B3GALT1: variants seen among roughly 807,000 people sequenced by gnomAD.
B3GALT1 encodes the protein UDP-Gal:betaGlcNAc beta 1,3-galactosyltransferase, polypeptide 1.
A neutral mutation model predicts 23.2 loss-of-function variants in B3GALT1; 10 were observed. That is an observed-to-expected ratio of 0.43 (90% CI 0.27 to 0.73). The LOEUF (loss-of-function observed/expected upper bound fraction) is 0.73. Ranked by LOEUF, B3GALT1 falls within the 30% of genes least tolerant of loss-of-function variation. The pLI is 0.21. For missense variants in B3GALT1, 299 were observed against 405.4 expected (o/e 0.74, Z 2.25); for synonymous variants, 156 against 141.5 (o/e 1.10, Z -0.73).
chr2:167,492,606 C>A (rs985972513), intron 2 of B3GALT1, among the ~76,000 whole-genome samples: 1 of 152,146 alleles, frequency 6.6e-6, no homozygotes, highest in Non-Finnish European at 1.5e-5. Context: ...ACTGAAAGAA[C>A]CTTCCTGTTG....
At chr2:167,818,929 TTTTC>T (rs1273330381) in intron 4 of B3GALT1, among the ~76,000 whole-genome samples, 136 bp downstream of exon 4, 1 of 152,220 alleles carries the variant, frequency 6.6e-6, no homozygotes, top group African/African-American at 2.4e-5. Flanking sequence ...GTCTAGGTTT[TTTTC>T]TTTATTAATG....
chr2:167,696,604 G>A (rs1558951634), intron 3 of B3GALT1, among the ~76,000 whole-genome samples: 1 of 152,106 alleles, frequency 6.6e-6, no homozygotes, highest in East Asian at 1.9e-4. Context: ...TATCATCTCA[G>A]TTCTATAGAC....
chr2:167,484,009 G>GAA (rs1274354483), intron 1 of B3GALT1, among the ~76,000 whole-genome samples: 1 of 152,146 alleles, frequency 6.6e-6, no homozygotes, highest in African/African-American at 2.4e-5. Flanking sequence ...GCCACATATA[G>GAA]AAGCTCCATA....
At chr2:167,340,359 G>C (rs561255228) in intron 1 of B3GALT1, among the ~76,000 whole-genome samples, 1 of 150,378 alleles carries the variant, frequency 6.6e-6, no homozygotes, top group African/African-American at 2.4e-5. Flanking sequence ...AATGGAACAA[G>C]GGTTGGTGTG....
chr2:167,479,757 G>A (rs528957923), intron 1 of B3GALT1, among the ~76,000 whole-genome samples: 2 of 151,988 alleles, frequency 1.3e-5, no homozygotes, highest in East Asian at 1.9e-4. Flanking sequence ...CCAGTTCACC[G>A]AGACCGTGGT....
At chr2:167,354,714 A>C (rs550723262) in intron 1 of B3GALT1, among the ~76,000 whole-genome samples, 14 of 151,864 alleles carry the variant, frequency 9.2e-5, no homozygotes, top group Non-Finnish European at 1.8e-4. Context: ...CTTATAACCT[A>C]CTGCCCAGTT....
In B3GALT1 at chr2:167,440,070, G is replaced by A. The variant is rs979589853; in HGVS notation, c.-510-50107G>A. Among the ~76,000 whole-genome samples, 4 of 151,784 alleles carry A rather than the reference G, an allele frequency of 2.6e-5. No individual in the cohort carries two copies. The East Asian group carries it at 7.7e-4, about 29-fold the overall frequency. ...GGTAAGAAATAATTTAAGGCTGGGG[G>A]CAGTGGCTCACACCTGTAATCCCAG... On this transcript the variant is annotated intron_variant, in intron 1 of 4. Transcript: ENST00000392690.
At chr2:167,696,325 C>G (rs1483275331) in intron 3 of B3GALT1, among the ~76,000 whole-genome samples, 1 of 145,276 alleles carries the variant, frequency 6.9e-6, no homozygotes, top group Non-Finnish European at 1.5e-5. Context: ...AAAATACCTA[C>G]CTGTCAAAGC....
chr2:167,595,851 T>G (rs1327970136), intron 2 of B3GALT1, among the ~76,000 whole-genome samples: 1 of 152,228 alleles, frequency 6.6e-6, no homozygotes, highest in Non-Finnish European at 1.5e-5. Context: ...GGTTTGTCTC[T>G]TTCTGTGTTA....
intron 2 of B3GALT1, among the ~76,000 whole-genome samples, chr2:167,523,905 C>G (rs1031448409): frequency 6.6e-6 from 1 of 152,028 alleles, no homozygotes; most frequent in Middle Eastern, 3.2e-3. Flanking sequence ...ATGGGTGGAG[C>G]ATTATTTCTT....
chr2:167,671,175 A>G (rs1159359577), intron 3 of B3GALT1, among the ~76,000 whole-genome samples: 3 of 152,192 alleles, frequency 2.0e-5, no homozygotes, highest in Admixed American at 1.3e-4. Flanking sequence ...AAATATTAAC[A>G]GAATGGAAGA....
chr2:167,430,146 G>A (rs1345014114), intron 1 of B3GALT1, among the ~76,000 whole-genome samples: 1 of 152,182 alleles, frequency 6.6e-6, no homozygotes, highest in Admixed American at 6.5e-5. Context: ...GTAGCTGAAG[G>A]AGGTCTCTTC....
At chr2:167,822,791 G>GA (rs2105367904) in intron 4 of B3GALT1, among the ~76,000 whole-genome samples, 1 of 152,062 alleles carries the variant, frequency 6.6e-6, no homozygotes, top group South Asian at 2.1e-4. Context: ...TGTCCACAGT[G>GA]AAAATTAAGC....
At chr2:167,443,486 A>G (rs1698929601) in intron 1 of B3GALT1, among the ~76,000 whole-genome samples, 2 of 152,148 alleles carry the variant, frequency 1.3e-5, no homozygotes, top group Non-Finnish European at 2.9e-5. Flanking sequence ...TTTTCGTGAT[A>G]TTGATTGTTC....
At chr2:167,640,983 A>G (rs1295370571) in intron 2 of B3GALT1, among the ~76,000 whole-genome samples, 1 of 152,160 alleles carries the variant, frequency 6.6e-6, no homozygotes, top group Non-Finnish European at 1.5e-5. Flanking sequence ...TGACCTTTCT[A>G]TCTATTCAAA....
chr2:167,585,982 C>G lies in B3GALT1; in HGVS notation c.-409-60927C>G, dbSNP rs2163588. On this transcript the variant is annotated intron_variant, in intron 2 of 4. Coordinates refer to ENST00000392690, the MANE Select transcript of B3GALT1 (RefSeq NM_020981.4). ...ATCTATGATGAGAGGTCAAAATAGG[C>G]ATTTGCCCTTTGGAGGGCTTAATAC... Among the ~76,000 whole-genome samples the G allele has an allele frequency of 5.2e-3, 796 of 152,312 alleles. 4 individuals are homozygous for G. The highest frequency in any genetic ancestry group is 0.018 in the African/African-American group (737 of 41,570).
chr2:167,512,742 T>C (rs866205988), intron 2 of B3GALT1, among the ~76,000 whole-genome samples: 2 of 146,918 alleles, frequency 1.4e-5, no homozygotes, highest in South Asian at 4.3e-4. Context: ...GCTCAAATGA[T>C]CCTCCCACCT....
At chr2:167,655,903 A>G (rs142235618) in intron 3 of B3GALT1, among the ~76,000 whole-genome samples, 4 of 152,304 alleles carry the variant, frequency 2.6e-5, no homozygotes, top group African/African-American at 2.4e-5. Flanking sequence ...ATGCCTGAGT[A>G]TATAAATATC....
At chr2:167,711,945 G>C (rs1687054134) in intron 3 of B3GALT1, among the ~76,000 whole-genome samples, 1 of 152,204 alleles carries the variant, frequency 6.6e-6, no homozygotes, top group Non-Finnish European at 1.5e-5. Flanking sequence ...TCTAGCCTGG[G>C]TGACAGAGCG....
Sources: gnomAD v4.1 joint callset for allele counts (sites outside exome capture counted in the v4.1 genomes callset) on GRCh38, gnomAD v4.1.1 for gene constraint, MANE v1.5 for transcripts, NCBI Gene and HGNC (gene_info 2026-07-23, HGNC 2026-07-21) for gene names.